FLACC1: variants seen among roughly 807,000 people sequenced by gnomAD.
The protein encoded by FLACC1 is flagellum associated containing coiled-coil domains 1.
A neutral mutation model predicts 62.8 loss-of-function variants in FLACC1; 66 were observed. That is an observed-to-expected ratio of 1.05 (90% CI 0.86 to 1.29). The LOEUF is 1.29. Ranked by LOEUF, FLACC1 falls within the 50% of genes most tolerant of loss-of-function variation. FLACC1 has a pLI of 0.00. For synonymous variants in FLACC1, 156 were observed against 161.0 expected (o/e 0.97, Z 0.24); for missense variants, 452 against 489.1 (o/e 0.92, Z 0.71).
chr2:201,319,166 T>C (rs1164443439), intron 9 of FLACC1, among the ~76,000 whole-genome samples: 1 of 152,082 alleles, frequency 6.6e-6, no homozygotes, highest in Non-Finnish European at 1.5e-5. Context: ...AACAGACACA[T>C]AGATCAATGG....
At chr2:201,299,406 C>A in intron 11 of FLACC1, 106 bp from the exon 12 acceptor site, 1 of 829,896 alleles carries the variant, frequency 1.2e-6, no homozygotes, top group South Asian at 1.6e-5. Flanking sequence ...TTCACCAAAG[C>A]TTAGACACTG....
rs1291414272 is a variant in FLACC1 at position 201,346,494 on chromosome 2, T to C, written c.368+48A>G. 6.2e-7 allele frequency: 1 copy of C among 1,606,380 alleles called. No individual in the cohort carries two copies. On this transcript the variant is annotated intron_variant, in intron 5 of 14. Transcript: ENST00000392257. The surrounding 1 kb of genome is among the most constrained non-coding windows in gnomAD (Gnocchi z 4.0). Reference sequence around the variant, plus strand: ...GCTTGTCCCTGAGGCCGGGCTGAGCTGGGTGGGAGTAGCCCCAAGCAGCTG... The same window carrying C: ...GCTTGTCCCTGAGGCCGGGCTGAGCCGGGTGGGAGTAGCCCCAAGCAGCTG...
At chr2:201,292,963 A>G (rs1949772016) in intron 12 of FLACC1, among the ~76,000 whole-genome samples, 1 of 152,236 alleles carries the variant, frequency 6.6e-6, no homozygotes, top group South Asian at 2.1e-4. Context: ...ATTCAACAAG[A>G]AGAGCTAACT....
chr2:201,330,528 T>C lies in FLACC1; in HGVS notation c.623-6A>G. The C allele has an allele frequency of 6.2e-7, 1 of 1,613,410 alleles. No individual in the cohort carries two copies. Among genetic ancestry groups the C allele is most frequent in the South Asian group, 1.1e-5 (1 of 90,988 alleles). ...GTATTCTTTTCCCATCTCCTCTGGA[T>C]AAAAGGAAAACAACAGGATCATCAT... On this transcript the variant is annotated splice_polypyrimidine_tract_variant and splice_region_variant and intron_variant, in intron 8 of 14. Coordinates refer to ENST00000392257, the MANE Select transcript of FLACC1 (RefSeq NM_001127391.3).
At chr2:201,300,148 A>T (rs1168476882) in intron 11 of FLACC1, among the ~76,000 whole-genome samples, 1 of 152,172 alleles carries the variant, frequency 6.6e-6, no homozygotes, top group Admixed American at 6.5e-5. Flanking sequence ...GGGAAGCGCG[A>T]GGGGTCAGAT....
intron 11 of FLACC1, among the ~76,000 whole-genome samples, chr2:201,302,652 G>A (rs562465536): frequency 2.6e-5 from 4 of 152,024 alleles, no homozygotes; most frequent in East Asian, 1.9e-4. Flanking sequence ...CACATCACAC[G>A]TATTCCAAAA....
chr2:201,346,461 C>G lies in FLACC1; in HGVS notation c.368+81G>C. The G allele has an allele frequency of 6.3e-7, 1 of 1,580,366 alleles. No individual in the cohort carries two copies. Among genetic ancestry groups the G allele is most frequent in the South Asian group, 1.2e-5 (1 of 86,856 alleles). The stretch of plus-strand genomic sequence containing the variant: ...ACCAGTGGCCTGGGTGTGGGCATAG[C>G]GGCTTTGGCTTGTCCCTGAGGCCGG... On this transcript the variant is annotated intron_variant, in intron 5 of 14. Coordinates refer to ENST00000392257, the MANE Select transcript of FLACC1 (RefSeq NM_001127391.3). The surrounding 1 kb of genome is among the most constrained non-coding windows in gnomAD (Gnocchi z 4.0).
rs145889395 is a variant in FLACC1, at chr2:201,329,502, A to C, written c.675+968T>G. ...AAAAGACACCTTCTCTTGTATGTTAATCACAGACAATTCACAATAGCAAAG... is the reference window on the plus strand; with the variant it reads ...AAAAGACACCTTCTCTTGTATGTTACTCACAGACAATTCACAATAGCAAAG... On this transcript the variant is annotated intron_variant, in intron 9 of 14. Transcript: ENST00000392257. Among the ~76,000 whole-genome samples the C allele has an allele frequency of 9.8e-5, 15 of 152,364 alleles. No individual in the cohort carries two copies. The East Asian group carries it at 2.5e-3, about 25-fold the overall frequency.
At chr2:201,289,648 A>T in intron 13 of FLACC1, 48 bp downstream of exon 13, 1 of 1,611,206 alleles carries the variant, frequency 6.2e-7, no homozygotes, top group Non-Finnish European at 8.5e-7. Flanking sequence ...CTGGATGGAG[A>T]CCTGGGTTCT....
intron 10 of FLACC1, among the ~76,000 whole-genome samples, chr2:201,308,434 G>A (rs369773327): frequency 3.9e-5 from 6 of 152,188 alleles, no homozygotes; most frequent in African/African-American, 1.4e-4. Flanking sequence ...ATTTTCCCAT[G>A]GAGTATCTGC....
intron 14 of FLACC1, 54 bp downstream of exon 14, chr2:201,289,403 T>A: frequency 6.5e-7 from 1 of 1,543,536 alleles, no homozygotes; most frequent in Non-Finnish European, 8.9e-7. Context: ...TCACTCAAAC[T>A]CCTTCCCACT....
intron 7 of FLACC1, among the ~76,000 whole-genome samples, chr2:201,335,466 C>A (rs1950674960): frequency 6.6e-6 from 1 of 151,988 alleles, no homozygotes. Context: ...GTTCTTGGCA[C>A]CTTTGTCAAA....
chr2:201,355,017 G>A (rs1951091704), intron 1 of FLACC1, among the ~76,000 whole-genome samples: 1 of 152,206 alleles, frequency 6.6e-6, no homozygotes, highest in South Asian at 2.1e-4. Context: ...TGGTATGGTG[G>A]CTGATGCCTG....
At chr2:201,363,781 C>G in the FLACC1 span, among the ~76,000 whole-genome samples, 1 of 152,222 alleles carries the variant, frequency 6.6e-6, no homozygotes, top group Non-Finnish European at 1.5e-5. Context: ...CTCCAGGCAT[C>G]TGGAGCAGTC....
At chr2:201,300,180 G>T (rs577636167) in intron 11 of FLACC1, among the ~76,000 whole-genome samples, 3 of 152,202 alleles carry the variant, frequency 2.0e-5, no homozygotes, top group Admixed American at 2.0e-4. Context: ...CTAGCCAAGG[G>T]AAGCCGTGAC....
chr2:201,289,610 C>A, intron 13 of FLACC1, 44 bp from the exon 14 acceptor site: 1 of 1,612,732 alleles, frequency 6.2e-7, no homozygotes, highest in Non-Finnish European at 8.5e-7. Context: ...CAACCCAGAG[C>A]CATCCAGGGC....
intron 7 of FLACC1, 41 bp from the exon 8 acceptor site, chr2:201,330,874 G>T: frequency 6.4e-7 from 1 of 1,553,826 alleles, no homozygotes; most frequent in South Asian, 1.1e-5. Context: ...TTAGTAAAAA[G>T]AAGTCCAGAG....
chr2:201,346,633 G>T lies in FLACC1; in HGVS notation c.277C>A (p.Arg93=). ...VSPGYQLVRN[R]EQISVTLGDE... ...CCTAAGGTGACAGAAATCTGTTCCCGATTCCGAACAAGTTGATAGCCAGGT... is the reference window on the plus strand; with the variant it reads ...CCTAAGGTGACAGAAATCTGTTCCCTATTCCGAACAAGTTGATAGCCAGGT... The change falls in exon 5 of 15, where the codon CGG becomes AGG. Residue 93 remains arginine (R), a synonymous_variant. Transcript: ENST00000392257. The surrounding 1 kb of genome is among the most constrained non-coding windows in gnomAD (Gnocchi z 4.0). 1.2e-6 allele frequency: 2 copies of T among 1,614,196 alleles called. No homozygotes were observed. The highest frequency in any genetic ancestry group is 2.2e-5 in the South Asian group (2 of 91,092).
intron 11 of FLACC1, among the ~76,000 whole-genome samples, chr2:201,303,219 T>C (rs977524478): frequency 1.3e-5 from 2 of 151,804 alleles, no homozygotes; most frequent in Non-Finnish European, 2.9e-5. Context: ...AAGAATCAAA[T>C]AGACGCAATA....
Sources: allele counts gnomAD v4.1 joint callset (sites outside exome capture counted in the v4.1 genomes callset), GRCh38; gene constraint gnomAD v4.1.1; non-coding constraint Gnocchi (gnomAD v3.1); transcripts MANE v1.5; gene names NCBI Gene and HGNC (gene_info 2026-07-23, HGNC 2026-07-21).